NXN: variants seen among roughly 807,000 people sequenced by gnomAD.
The protein encoded by NXN is nucleoredoxin.
In NXN, 16 loss-of-function variants were observed where a neutral mutation model predicts 48.6. The ratio of observed to expected loss-of-function variants is 0.33; its 90% CI spans 0.22 to 0.50. The LOEUF is 0.50. Among genes scored for constraint, NXN ranks in the 20% least tolerant of loss-of-function variants. The pLI is 0.98. For missense variants in NXN, 492 were observed against 605.5 expected (o/e 0.81, Z 1.97); for synonymous variants, 281 against 269.6 (o/e 1.04, Z -0.41).
intron 1 of NXN, among the ~76,000 whole-genome samples, chr17:976,179 C>T (rs146574143): frequency 3.8e-4 from 52 of 137,782 alleles, no homozygotes; most frequent in South Asian, 8.9e-4. Flanking sequence ...TGTTTTTTTA[C>T]ATTTTTGTCC....
chr17:868,157 C>T (rs1439275377), intron 1 of NXN, among the ~76,000 whole-genome samples: 1 of 152,158 alleles, frequency 6.6e-6, no homozygotes, highest in Admixed American at 6.5e-5. Context: ...GGCTGCTTCC[C>T]TGGGAACCAT....
rs558995395 is a variant in NXN at position 921,789 on chromosome 17, C to G, written c.360+57530G>C. ...CTCACTGCCCCTGGACAACACCTGG[C>G]CGGCCCAGGCTCTCATCCTCACTGC... On this transcript the variant is annotated intron_variant, in intron 1 of 7. Coordinates refer to ENST00000336868, the MANE Select transcript of NXN (RefSeq NM_022463.5). Among the ~76,000 whole-genome samples, 52 of 151,828 alleles carry G rather than the reference C, an allele frequency of 3.4e-4. No homozygotes were observed. In the South Asian group the frequency reaches 0.011, roughly 32 times the overall value.
intron 1 of NXN, among the ~76,000 whole-genome samples, chr17:903,937 G>A (rs529148770): frequency 9.9e-5 from 15 of 152,262 alleles, no homozygotes; most frequent in Admixed American, 5.9e-4. Flanking sequence ...CAAAATTCAC[G>A]CTCCCTTGTT....
chr17:854,245 C>T (rs897133032), intron 1 of NXN, among the ~76,000 whole-genome samples: 13 of 152,296 alleles, frequency 8.5e-5, no homozygotes, highest in African/African-American at 2.9e-4. Flanking sequence ...CTAAGGTTTT[C>T]TGGACACCTG....
chr17:803,648 C>G (rs780266912), intron 7 of NXN, 34 bp downstream of exon 7: 1 of 1,613,366 alleles, frequency 6.2e-7, no homozygotes, highest in African/African-American at 1.3e-5. Flanking sequence ...CCCAGCTGAG[C>G]CAGCCCTGGG....
chr17:827,762 A>C (rs1285238600), intron 1 of NXN, among the ~76,000 whole-genome samples: 7 of 152,254 alleles, frequency 4.6e-5, no homozygotes, highest in Non-Finnish European at 1.0e-4. Flanking sequence ...GGGTCCCGGC[A>C]GGAAGGCTAC....
chr17:863,181 G>GT (rs144748148), intron 1 of NXN, among the ~76,000 whole-genome samples: 5,884 of 152,014 alleles, frequency 0.039, 147 homozygotes, highest in Non-Finnish European at 0.061. Context: ...TGTCTTCTTT[G>GT]TTTTTTTGAG....
chr17:955,349 T>A (rs945104928), intron 1 of NXN, among the ~76,000 whole-genome samples: 5 of 151,044 alleles, frequency 3.3e-5, no homozygotes, highest in African/African-American at 1.2e-4. Flanking sequence ...TTATTTTTTT[T>A]AGTAGAGATG....
Position 979,757 on chromosome 17 carries a change from C to G in NXN, c.-79G>C. On this transcript the variant is annotated 5_prime_UTR_variant, in exon 1 of 8. Transcript: ENST00000336868. ...CGGCGGGAGGAGGCGGCGGCGTCGG[C>G]GGCAGGCGCTGGGGAGAGCAGAGCC... is the stretch of plus-strand genomic sequence containing the variant. 8.4e-7 allele frequency: 1 copy of G among 1,187,334 alleles called. No individual in the cohort carries two copies. Among genetic ancestry groups the G allele is most frequent in the South Asian group, 2.5e-5 (1 of 40,712 alleles). The allele number at this position is 1,187,334 out of a possible 1,614,324, so 73.5% of individuals were successfully genotyped here.
At chr17:927,534 T>G (rs1166211215) in intron 1 of NXN, among the ~76,000 whole-genome samples, 1 of 141,706 alleles carries the variant, frequency 7.1e-6, no homozygotes. Context: ...GAGCCAAGAT[T>G]ACGCCATTGC....
chr17:961,215 A>G (rs1294258954), intron 1 of NXN, among the ~76,000 whole-genome samples: 1 of 151,970 alleles, frequency 6.6e-6, no homozygotes, highest in Non-Finnish European at 1.5e-5. Flanking sequence ...CCAACACGAC[A>G]AAAGCCCTTC....
At chr17:822,299 A>G in intron 4 of NXN, 58 bp downstream of exon 4, 3 of 1,271,824 alleles carry the variant, frequency 2.4e-6, no homozygotes, top group Admixed American at 1.8e-5. Flanking sequence ...AGAAAAGAAA[A>G]AAAATGGATG....
Position 819,525 on chromosome 17 carries a change from T to A in NXN, c.734A>T (p.Gln245Leu), listed in dbSNP as rs142489141. 7.7e-5 allele frequency: 124 copies of A among 1,607,604 alleles called. 1 individual carries two copies. Among genetic ancestry groups the A allele is most frequent in the Middle Eastern group, 1.7e-4 (1 of 6,026 alleles). ...SADRSEESFKQYFSEMPWLAV... is the reference protein window; with the variant it reads ...SADRSEESFKLYFSEMPWLAV... ...GAGCCAGGGCATCTCACTGAAGTAC[T>A]GTTTGAAGGACTCCTCCGACCTACA... is the stretch of plus-strand genomic sequence containing the variant. The change falls in exon 5 of 8, where the codon CAG becomes CTG. Residue 245 changes from glutamine (Q) to leucine (L), a missense_variant. By Grantham distance (113) the Gln-to-Leu change is moderately radical. Coordinates refer to ENST00000336868, the MANE Select transcript of NXN (RefSeq NM_022463.5).
At chr17:828,223 C>T (rs1353999052) in intron 1 of NXN, among the ~76,000 whole-genome samples, 1 of 151,878 alleles carries the variant, frequency 6.6e-6, no homozygotes, top group Admixed American at 6.6e-5. Flanking sequence ...CCTGCCTCAG[C>T]CTCCCAAGTA....
At chr17:962,812 C>G (rs906954366) in intron 1 of NXN, among the ~76,000 whole-genome samples, 4 of 152,184 alleles carry the variant, frequency 2.6e-5, no homozygotes, top group Non-Finnish European at 5.9e-5. Context: ...GAGAATGAGC[C>G]TCTCAGCTTA....
chr17:855,939 A>G (rs2067981515), intron 1 of NXN, among the ~76,000 whole-genome samples: 1 of 152,164 alleles, frequency 6.6e-6, no homozygotes, highest in Admixed American at 6.6e-5. Context: ...TCGCACCTGT[A>G]ATCCCAGCAC....
At position 937,752 on chromosome 17, in the gene NXN, C is replaced by T. The variant is rs16956912; in HGVS notation, c.360+41567G>A. On this transcript the variant is annotated intron_variant, in intron 1 of 7. Coordinates refer to ENST00000336868, the MANE Select transcript of NXN (RefSeq NM_022463.5). ...ACAGGTCACGCTGTCACGGGGACGC[C>T]GGGAACCACATGAAAAGCAGAGAAT... 1.1e-3 allele frequency among the ~76,000 whole-genome samples: 172 copies of T among 152,320 alleles called. 3 individuals carry two copies. In the East Asian group the frequency reaches 0.026, roughly 23 times the overall value.
intron 1 of NXN, among the ~76,000 whole-genome samples, chr17:936,339 G>T (rs1354032197): frequency 6.6e-6 from 1 of 151,984 alleles, no homozygotes; most frequent in African/African-American, 2.4e-5. Flanking sequence ...TGGAAGAGCC[G>T]CCCTCCCTCT....
rs1305079476 is a variant in NXN at position 843,053 on chromosome 17, AAAGAAGGAAGAAAGC to A, written c.361-16990_361-16976del. On this transcript the variant is annotated intron_variant, in intron 1 of 7. Coordinates refer to ENST00000336868, the MANE Select transcript of NXN (RefSeq NM_022463.5). ...GAAAGAAAGAAAGAAAGAAAGAAAG[AAAGAAGGAAGAAAGC>A]AAGCAAGCAAGCTGCACCTTCAGAC... is the stretch of plus-strand genomic sequence containing the variant. Among the ~76,000 whole-genome samples, 179 of 117,286 alleles carry A rather than the reference AAAGAAGGAAGAAAGC, an allele frequency of 1.5e-3. 1 individual carries two copies. The highest frequency in any genetic ancestry group is 8.6e-3 in the South Asian group (34 of 3,966). 76.9% of individuals were successfully genotyped at this position (117,286 alleles called of 152,430 possible).
Sources: gnomAD v4.1 joint callset for allele counts (sites outside exome capture counted in the v4.1 genomes callset) on GRCh38, gnomAD v4.1.1 for gene constraint, MANE v1.5 for transcripts, NCBI Gene and HGNC (gene_info 2026-07-23, HGNC 2026-07-21) for gene names.